The following ZNF385D variants were observed in gnomAD, a reference collection of about 807,000 sequenced individuals.
The protein encoded by ZNF385D is zinc finger protein 385D.
Under a neutral mutation model 35.8 loss-of-function variants are expected in ZNF385D, and 15 were observed. The ratio of observed to expected loss-of-function variants is 0.42; its 90% confidence interval spans 0.28 to 0.64. The LOEUF is 0.64. Among genes scored for constraint, ZNF385D ranks in the 30% least tolerant of loss-of-function variants. The pLI is 0.23. For missense variants in ZNF385D, 474 were observed against 494.6 expected (o/e 0.96, Z 0.39); for synonymous variants, 212 against 186.8 (o/e 1.13, Z -1.10).
rs1700708342 is a variant in ZNF385D, at chr3:22,262,890, G to C, written c.107-93855C>G. Among the ~76,000 whole-genome samples, 4 of 151,836 alleles carry C rather than the reference G, an allele frequency of 2.6e-5. No homozygotes were observed. The South Asian group carries it at 8.3e-4, about 31-fold the overall frequency. ...TTCTCCCCAGATCTTTCTCATATTAGAAAAGGGCATCAACCCTTACCCAGG... is the reference window on the plus strand; with the variant it reads ...TTCTCCCCAGATCTTTCTCATATTACAAAAGGGCATCAACCCTTACCCAGG... On this transcript the variant is annotated intron_variant, in intron 2 of 5. Transcript: ENST00000494108.
chr3:22,181,835 T>A (rs778076095), intron 2 of ZNF385D, among the ~76,000 whole-genome samples: 164 of 152,210 alleles, frequency 1.1e-3, no homozygotes, highest in Non-Finnish European at 1.4e-3. Context: ...AGCTTTTTCA[T>A]GTTGTCTTAC....
At chr3:21,503,173 C>G (rs566362647) in intron 4 of ZNF385D, among the ~76,000 whole-genome samples, 66 of 152,154 alleles carry the variant, frequency 4.3e-4, no homozygotes, top group African/African-American at 1.6e-3. Context: ...ATATGCATCA[C>G]TGATTATGAA....
chr3:22,370,758 G>A (rs1329021191), intron 2 of ZNF385D, among the ~76,000 whole-genome samples: 1 of 152,138 alleles, frequency 6.6e-6, no homozygotes, highest in South Asian at 2.1e-4. Context: ...ACCTTCTTGG[G>A]ATTGTTAGGC....
rs2125250482 is a variant in ZNF385D at position 21,424,040 on chromosome 3, C to A, written c.877G>T (p.Asp293Tyr). Reference protein sequence around the residue: ...KQHISSRRHKDRAAGKPPKPK... With the variant: ...KQHISSRRHKYRAAGKPPKPK... ...TTCGGGGGCTTCCCAGCAGCTCTGT[C>A]TTTGTGCCTTCTACTGCTAATGTGC... Residue 293 changes from aspartate (D) to tyrosine (Y), a missense_variant, in exon 7 of 8, where the codon GAC becomes TAC. Coordinates refer to ENST00000281523, the MANE Select transcript of ZNF385D (RefSeq NM_024697.3). 6.3e-7 allele frequency: 1 copy of A among 1,599,392 alleles called. No individual in the cohort carries two copies. Among genetic ancestry groups the A allele is most frequent in the Non-Finnish European group, 8.5e-7 (1 of 1,175,220 alleles).
At chr3:22,066,892 T>G (rs987997967) in intron 3 of ZNF385D, among the ~76,000 whole-genome samples, 1 of 152,222 alleles carries the variant, frequency 6.6e-6, no homozygotes, top group African/African-American at 2.4e-5. Flanking sequence ...CTACGCTGAA[T>G]GCTTCATCAA....
chr3:21,417,293 T>C lies in ZNF385D; in HGVS notation c.*3921A>G, dbSNP rs1181121924. 1 of 152,044 alleles carries C rather than the reference T, an allele frequency of 6.6e-6. No homozygotes were observed. The highest frequency in any genetic ancestry group is 6.6e-5 in the Admixed American group (1 of 15,240). 9.4% of individuals were successfully genotyped at this position (152,044 alleles called of 1,614,324 possible). A position where few individuals can be genotyped will look rare whatever the true frequency, so the allele number is the denominator to read the frequency against. The stretch of plus-strand genomic sequence containing the variant: ...GTCATCCATTTTACTGATGAAGAAA[T>C]TAAGGGCAAGGCATTAGTTGACTAT... On this transcript the variant is annotated 3_prime_UTR_variant, in exon 8 of 8. Coordinates refer to ENST00000281523, the MANE Select transcript of ZNF385D (RefSeq NM_024697.3).
intron 3 of ZNF385D, among the ~76,000 whole-genome samples, chr3:22,144,572 CAAAAAAAAAAAAAAAAA>C (rs10536394): frequency 5.9e-5 from 4 of 67,550 alleles, no homozygotes; most frequent in East Asian, 5.3e-4. Flanking sequence ...GACTCCATTT[CAAAAAAAAAAAAAAAAA>C]AAAAAAAAAA....
intron 4 of ZNF385D, among the ~76,000 whole-genome samples, chr3:21,440,023 G>T (rs1343573996): frequency 1.3e-5 from 2 of 152,020 alleles, no homozygotes; most frequent in East Asian, 1.9e-4. Context: ...ACTCCATAAA[G>T]ATAGGAATAC....
At chr3:21,880,731 T>C (rs1265646639) in intron 3 of ZNF385D, among the ~76,000 whole-genome samples, 1 of 152,000 alleles carries the variant, frequency 6.6e-6, no homozygotes, top group Non-Finnish European at 1.5e-5. Flanking sequence ...CAAAAGCTGA[T>C]ACAGACTGAA....
intron 2 of ZNF385D, among the ~76,000 whole-genome samples, chr3:21,618,257 A>G (rs888282744): frequency 1.7e-5 from 2 of 120,550 alleles, no homozygotes; most frequent in Non-Finnish European, 3.5e-5. Context: ...GCAGAGGGAG[A>G]TTTAACAGAC....
At chr3:21,851,296 G>A (rs969770521) in intron 3 of ZNF385D, among the ~76,000 whole-genome samples, 1 of 152,040 alleles carries the variant, frequency 6.6e-6, no homozygotes, top group Non-Finnish European at 1.5e-5. Flanking sequence ...TGGAGACATG[G>A]AGCAACCAGA....
At chr3:22,247,765 C>T (rs754151249) in intron 2 of ZNF385D, among the ~76,000 whole-genome samples, 30 of 151,892 alleles carry the variant, frequency 2.0e-4, no homozygotes, top group Non-Finnish European at 1.9e-4. Flanking sequence ...CCACCACACC[C>T]AGCTAATTTT....
At chr3:21,934,240 A>G (rs1169092250) in intron 3 of ZNF385D, among the ~76,000 whole-genome samples, 2 of 152,302 alleles carry the variant, frequency 1.3e-5, no homozygotes, top group East Asian at 3.9e-4. Flanking sequence ...TTGTTGAAGT[A>G]TATTTTTTCT....
chr3:21,487,749 A>C (rs1243809837), intron 4 of ZNF385D, among the ~76,000 whole-genome samples: 2 of 152,116 alleles, frequency 1.3e-5, no homozygotes, highest in African/African-American at 4.8e-5. Flanking sequence ...GTTCCAGCTA[A>C]ATCTCTATCA....
intron 2 of ZNF385D, among the ~76,000 whole-genome samples, chr3:21,565,654 C>T (rs776147032): frequency 5.9e-5 from 9 of 152,066 alleles, no homozygotes; most frequent in South Asian, 2.1e-4. Context: ...TCAGTCTGGG[C>T]GCATTAAATA....
chr3:21,905,137 A>G (rs1025122995), intron 3 of ZNF385D, among the ~76,000 whole-genome samples: 1 of 150,356 alleles, frequency 6.7e-6, no homozygotes, highest in Middle Eastern at 3.4e-3. Context: ...TTGGATATTT[A>G]CAAGATAAAT....
intron 3 of ZNF385D, among the ~76,000 whole-genome samples, chr3:22,009,410 C>T (rs112225181): frequency 0.17 from 25,658 of 151,740 alleles, 2,309 homozygotes; most frequent in Middle Eastern, 0.2. Flanking sequence ...GATCAAGAGG[C>T]GAGGAGATCG....
At chr3:21,862,589 A>G (rs767941147) in intron 3 of ZNF385D, among the ~76,000 whole-genome samples, 39 of 152,190 alleles carry the variant, frequency 2.6e-4, no homozygotes, top group Admixed American at 3.9e-4. Flanking sequence ...TATTGCCATT[A>G]TATTATGTGT....
intron 1 of ZNF385D, among the ~76,000 whole-genome samples, chr3:21,691,124 C>CCTCA (rs2067270788): frequency 6.6e-6 from 1 of 151,866 alleles, no homozygotes; most frequent in Non-Finnish European, 1.5e-5. Context: ...TCAGGAGTAC[C>CCTCA]CTCAATTCCC....
Sources: allele counts gnomAD v4.1 joint callset (sites outside exome capture counted in the v4.1 genomes callset), GRCh38; gene constraint gnomAD v4.1.1; transcripts MANE v1.5; gene names NCBI Gene and HGNC (gene_info 2026-07-23, HGNC 2026-07-21).